Variants in GABRB1 observed in about 807,000 individuals in gnomAD.
GABRB1 encodes gamma-aminobutyric acid receptor subunit beta-1.
A neutral mutation model predicts 51.6 loss-of-function variants in GABRB1; 17 were observed. The observed-to-expected ratio is 0.33, with a 90% CI of 0.23 to 0.49. GABRB1 has a LOEUF of 0.49. Ranked by LOEUF, GABRB1 falls within the 20% of genes least tolerant of loss-of-function variation. The pLI is 0.99. For synonymous variants in GABRB1, 247 were observed against 218.9 expected (o/e 1.13, Z -1.14); for missense variants, 410 against 600.6 (o/e 0.68, Z 3.32).
chr4:47,041,661 C>T (rs987727749), intron 3 of GABRB1, among the ~76,000 whole-genome samples: 3 of 152,068 alleles, frequency 2.0e-5, no homozygotes, highest in Non-Finnish European at 4.4e-5. Flanking sequence ...TCTCTGCCTA[C>T]TCTAGCCCTC....
intron 4 of GABRB1, among the ~76,000 whole-genome samples, chr4:47,230,417 A>G (rs1381642178): frequency 6.6e-6 from 1 of 152,164 alleles, no homozygotes; most frequent in Non-Finnish European, 1.5e-5. Flanking sequence ...GTAGTAAGAA[A>G]AACCTCCAAG....
At chr4:47,192,546 G>T (rs896106198) in intron 4 of GABRB1, among the ~76,000 whole-genome samples, 1 of 152,086 alleles carries the variant, frequency 6.6e-6, no homozygotes, top group Non-Finnish European at 1.5e-5. Context: ...TGTTTAAGAT[G>T]TCCATACTAT....
At chr4:47,005,062 C>T (rs1332290577) in intron 1 of GABRB1, among the ~76,000 whole-genome samples, 3 of 152,112 alleles carry the variant, frequency 2.0e-5, no homozygotes, top group African/African-American at 7.2e-5. Context: ...ACACACCTGG[C>T]TTTGTGACTC....
At chr4:47,194,134 T>C (rs1719551900) in intron 4 of GABRB1, among the ~76,000 whole-genome samples, 2 of 152,208 alleles carry the variant, frequency 1.3e-5, no homozygotes, top group Admixed American at 1.3e-4. Context: ...ACTGCTTTTA[T>C]TTCCTGCAAA....
At chr4:47,034,809 A>C (rs964870436) in intron 3 of GABRB1, among the ~76,000 whole-genome samples, 1 of 152,168 alleles carries the variant, frequency 6.6e-6, no homozygotes, top group Non-Finnish European at 1.5e-5. Flanking sequence ...CCGCACCCCC[A>C]AAAGAGAATT....
At chr4:47,173,301 G>A (rs1476735002) in intron 4 of GABRB1, among the ~76,000 whole-genome samples, 1 of 152,120 alleles carries the variant, frequency 6.6e-6, no homozygotes, top group Non-Finnish European at 1.5e-5. Flanking sequence ...GAGGATTAAT[G>A]AGCCCCTTAA....
intron 4 of GABRB1, among the ~76,000 whole-genome samples, chr4:47,213,622 TG>T (rs1177484265): frequency 6.6e-6 from 1 of 152,068 alleles, no homozygotes; most frequent in East Asian, 1.9e-4. Context: ...TAACTCCAGC[TG>T]GGGGGTTTTC....
At chr4:47,057,938 T>A (rs1305324167) in intron 3 of GABRB1, among the ~76,000 whole-genome samples, 4 of 152,218 alleles carry the variant, frequency 2.6e-5, no homozygotes, top group Non-Finnish European at 5.9e-5. Flanking sequence ...GGAATGACTT[T>A]AGCTATGGTA....
chr4:47,364,578 T>C (rs1726915590), intron 5 of GABRB1, among the ~76,000 whole-genome samples: 1 of 143,944 alleles, frequency 6.9e-6, no homozygotes, highest in African/African-American at 2.6e-5. Context: ...AAGATAAAAC[T>C]TAAAGAATAA....
At chr4:47,172,997 A>G (rs1275397318) in intron 4 of GABRB1, among the ~76,000 whole-genome samples, 2 of 152,172 alleles carry the variant, frequency 1.3e-5, no homozygotes, top group Non-Finnish European at 2.9e-5. Flanking sequence ...ACAAAACCAC[A>G]AAGAACTGGA....
At chr4:47,093,084 A>G (rs1714188052) in intron 3 of GABRB1, among the ~76,000 whole-genome samples, 1 of 152,246 alleles carries the variant, frequency 6.6e-6, no homozygotes, top group South Asian at 2.1e-4. Flanking sequence ...AAGTTAATTG[A>G]TAATTCACAT....
At chr4:47,075,756 G>T (rs1727518300) in intron 3 of GABRB1, among the ~76,000 whole-genome samples, 2 of 152,246 alleles carry the variant, frequency 1.3e-5, no homozygotes, top group Non-Finnish European at 2.9e-5. Flanking sequence ...TAAAAACAGA[G>T]GGAAAATAAG....
chr4:47,179,951 G>T (rs892958588), intron 4 of GABRB1, among the ~76,000 whole-genome samples: 1 of 152,048 alleles, frequency 6.6e-6, no homozygotes, highest in Non-Finnish European at 1.5e-5. Context: ...ATTAAGATAA[G>T]ATTATGCTAT....
chr4:47,188,347 C>A (rs191759383), intron 4 of GABRB1, among the ~76,000 whole-genome samples: 1 of 151,926 alleles, frequency 6.6e-6, no homozygotes, highest in African/African-American at 2.4e-5. Flanking sequence ...TCACTTTGGA[C>A]GTTTTTTAAT....
intron 5 of GABRB1, among the ~76,000 whole-genome samples, 168 bp downstream of exon 5, chr4:47,320,377 T>A (rs1725035709): frequency 6.6e-6 from 1 of 152,234 alleles, no homozygotes; most frequent in Non-Finnish European, 1.5e-5. Context: ...GAAGTTATCA[T>A]TTTGAACAAT....
intron 3 of GABRB1, among the ~76,000 whole-genome samples, chr4:47,044,593 G>A (rs1168811065): frequency 2.0e-5 from 3 of 152,008 alleles, no homozygotes; most frequent in Non-Finnish European, 4.4e-5. Context: ...ATGCTCTGGT[G>A]TAAGTTATGT....
intron 5 of GABRB1, among the ~76,000 whole-genome samples, chr4:47,349,819 T>C (rs1048128903): frequency 1.3e-5 from 2 of 152,210 alleles, no homozygotes; most frequent in Non-Finnish European, 2.9e-5. Flanking sequence ...GAGCATAGAT[T>C]TTGATTCCCA....
chr4:47,032,018 CT>C lies in GABRB1; in HGVS notation c.172+19del. 6.4e-7 allele frequency: 1 copy of C among 1,562,658 alleles called. No homozygotes were observed. The highest frequency in any genetic ancestry group is 8.7e-7 in the Non-Finnish European group (1 of 1,146,762). ...CCGGACTTCGGAGGTAACGCTTCAT[CT>C]TTTTTCAACCTGTAACCCATCCTTA... On this transcript the variant is annotated intron_variant, in intron 2 of 8. Coordinates refer to ENST00000295454, the MANE Select transcript of GABRB1 (RefSeq NM_000812.4).
intron 3 of GABRB1, among the ~76,000 whole-genome samples, chr4:47,133,219 G>A (rs1295062848): frequency 6.6e-6 from 1 of 152,172 alleles, no homozygotes; most frequent in Non-Finnish European, 1.5e-5. Flanking sequence ...ACATAAATTT[G>A]TAGATTGACT....
Sources: allele counts gnomAD v4.1 joint callset (sites outside exome capture counted in the v4.1 genomes callset), GRCh38; gene constraint gnomAD v4.1.1; transcripts MANE v1.5; gene names NCBI Gene and HGNC (gene_info 2026-07-23, HGNC 2026-07-21).